Variants in GPC5 observed in about 807,000 individuals in gnomAD.
GPC5 encodes the protein glypican 5.
GPC5 carries 47 observed loss-of-function variants against 53.9 expected under a neutral mutation model. The ratio of observed to expected loss-of-function variants is 0.87; its 90% CI spans 0.69 to 1.11. The LOEUF (loss-of-function observed/expected upper bound fraction) is 1.11. Ranked by LOEUF, GPC5 falls within the 50% of genes most tolerant of loss-of-function variation. The pLI is 0.00. For synonymous variants in GPC5, 286 were observed against 263.3 expected (o/e 1.09, Z -0.84); for missense variants, 748 against 713.1 (o/e 1.05, Z -0.56).
intron 3 of GPC5, among the ~76,000 whole-genome samples, chr13:91,718,025 C>G (rs548184602): frequency 3.3e-5 from 5 of 152,314 alleles, no homozygotes; most frequent in Non-Finnish European, 7.4e-5. Flanking sequence ...CTTACACCCA[C>G]TGATAAATGA....
chr13:92,715,922 A>G (rs376086272), intron 7 of GPC5, among the ~76,000 whole-genome samples: 1 of 152,206 alleles, frequency 6.6e-6, no homozygotes, highest in Non-Finnish European at 1.5e-5. Flanking sequence ...TAGTTTTTGA[A>G]GATTCTGATC....
chr13:91,835,511 A>T (rs1263629531), intron 5 of GPC5, among the ~76,000 whole-genome samples: 6 of 152,202 alleles, frequency 3.9e-5, no homozygotes, highest in Non-Finnish European at 7.3e-5. Context: ...GATAGACTGG[A>T]TAAAGAAATG....
intron 7 of GPC5, among the ~76,000 whole-genome samples, chr13:92,619,529 A>G: frequency 6.6e-6 from 1 of 152,018 alleles, no homozygotes; most frequent in South Asian, 2.1e-4. Context: ...GCATTTTCTA[A>G]ACACTGAAGA....
intron 6 of GPC5, among the ~76,000 whole-genome samples, chr13:92,010,949 G>T (rs1276155614): frequency 2.6e-5 from 4 of 152,160 alleles, no homozygotes; most frequent in Non-Finnish European, 1.5e-5. Flanking sequence ...AATGATATTA[G>T]GAGCAAATAT....
intron 5 of GPC5, among the ~76,000 whole-genome samples, chr13:91,829,958 A>C (rs1594601707): frequency 6.6e-6 from 1 of 152,112 alleles, no homozygotes; most frequent in Non-Finnish European, 1.5e-5. Context: ...AAAATTGCTA[A>C]TGAAGTTTCA....
At chr13:91,491,439 T>C (rs1158477975) in intron 2 of GPC5, among the ~76,000 whole-genome samples, 1 of 152,226 alleles carries the variant, frequency 6.6e-6, no homozygotes. Flanking sequence ...CACATGTCCC[T>C]TCTTTATTCC....
intron 3 of GPC5, among the ~76,000 whole-genome samples, chr13:91,719,365 A>G (rs1460497552): frequency 6.6e-6 from 1 of 152,218 alleles, no homozygotes; most frequent in Non-Finnish European, 1.5e-5. Context: ...ATGAAGCCTT[A>G]CTTTCCTGTT....
intron 7 of GPC5, among the ~76,000 whole-genome samples, chr13:92,493,735 T>C (rs1188061216): frequency 1.3e-5 from 2 of 152,180 alleles, no homozygotes; most frequent in Admixed American, 6.5e-5. Context: ...GAGACTTCAC[T>C]GAAGCAAAGC....
At chr13:92,693,166 T>C (rs1887463077) in intron 7 of GPC5, among the ~76,000 whole-genome samples, 1 of 152,118 alleles carries the variant, frequency 6.6e-6, no homozygotes, top group African/African-American at 2.4e-5. Flanking sequence ...CAATTAAACC[T>C]TTTTCCTTTT....
At chr13:92,076,155 G>A (rs904860962) in intron 6 of GPC5, among the ~76,000 whole-genome samples, 1 of 151,176 alleles carries the variant, frequency 6.6e-6, no homozygotes. Flanking sequence ...TGCAAGCTCC[G>A]CCTCCCGGGT....
At chr13:92,502,612 AC>A (rs1243960796) in intron 7 of GPC5, among the ~76,000 whole-genome samples, 5 of 152,060 alleles carry the variant, frequency 3.3e-5, no homozygotes, top group Non-Finnish European at 7.4e-5. Flanking sequence ...AAGGAACAAG[AC>A]CAGAGACGAA....
chr13:92,794,490 C>T (rs1876585365), intron 7 of GPC5, among the ~76,000 whole-genome samples: 1 of 152,142 alleles, frequency 6.6e-6, no homozygotes, highest in Non-Finnish European at 1.5e-5. Context: ...AGGATGCCCT[C>T]TCTCACCATT....
chr13:92,740,960 G>GTATATATATATATATATATATATATA lies in GPC5; in HGVS notation c.1562-125311_1562-125310insATATATATATATATATATATATATAT, dbSNP rs1555308306. 1.7e-4 allele frequency among the ~76,000 whole-genome samples: 20 copies of GTATATATATATATATATATATATATA among 117,756 alleles called. 1 individual carries two copies. Among genetic ancestry groups the GTATATATATATATATATATATATATA allele is most frequent in the African/African-American group, 4.3e-4 (13 of 30,454 alleles). 77.3% of individuals were successfully genotyped at this position (117,756 alleles called of 152,430 possible). A position where few individuals can be genotyped will look rare whatever the true frequency, so the allele number is the denominator to read the frequency against. On this transcript the variant is annotated intron_variant, in intron 7 of 7. Transcript: ENST00000377067. The stretch of plus-strand genomic sequence containing the variant: ...TGTATGTGTGTATATATATGTATGT[G>GTATATATATATATATATATATATATA]TATATATATATCCTGCTGTAGCATA...
At chr13:91,635,205 A>T (rs1032060244) in intron 2 of GPC5, among the ~76,000 whole-genome samples, 2 of 152,152 alleles carry the variant, frequency 1.3e-5, no homozygotes, top group Non-Finnish European at 2.9e-5. Context: ...TGTATTTTCC[A>T]GAAAAAGCCC....
intron 5 of GPC5, among the ~76,000 whole-genome samples, chr13:91,767,033 A>G (rs1004644436): frequency 2.0e-5 from 3 of 152,246 alleles, no homozygotes; most frequent in African/African-American, 7.2e-5. Context: ...TATTGTATTG[A>G]CATTTTCTCT....
chr13:92,564,988 A>G (rs2139034106), intron 7 of GPC5, among the ~76,000 whole-genome samples: 1 of 152,216 alleles, frequency 6.6e-6, no homozygotes, highest in South Asian at 2.1e-4. Context: ...ACCCAGATGT[A>G]AAAGGTGTGA....
chr13:92,047,576 A>G (rs1200542358), intron 6 of GPC5, among the ~76,000 whole-genome samples: 2 of 151,740 alleles, frequency 1.3e-5, no homozygotes, highest in East Asian at 3.9e-4. Context: ...CAGCAAGTCA[A>G]TGAAGGGCGT....
chr13:92,578,859 C>T (rs7984374), intron 7 of GPC5, among the ~76,000 whole-genome samples: 35,465 of 152,010 alleles, frequency 0.23, 4,352 homozygotes, highest in African/African-American at 0.33. Flanking sequence ...GAAGATAACA[C>T]GGATTCAAGT....
chr13:91,458,424 G>T (rs2139131877), intron 2 of GPC5, among the ~76,000 whole-genome samples: 1 of 152,178 alleles, frequency 6.6e-6, no homozygotes, highest in South Asian at 2.1e-4. Context: ...CCCGCCAAGA[G>T]CTGGAACAAG....
Sources: gnomAD v4.1 joint callset for allele counts (sites outside exome capture counted in the v4.1 genomes callset) on GRCh38, gnomAD v4.1.1 for gene constraint, MANE v1.5 for transcripts, NCBI Gene and HGNC (gene_info 2026-07-23, HGNC 2026-07-21) for gene names.